Variants in CTPS2 observed in about 807,000 individuals in gnomAD.
CTPS2 encodes CTP synthase II.
In CTPS2, 19 loss-of-function variants were observed where a neutral mutation model predicts 46.8. The ratio of observed to expected loss-of-function variants is 0.41; its 90% confidence interval spans 0.28 to 0.60. The LOEUF is 0.60. CTPS2 is among the 20% of genes least tolerant of loss of function. The probability of loss-of-function intolerance (pLI) is 0.35; values close to 1 mark genes in which losing one functional copy is unlikely to be tolerated. For synonymous variants in CTPS2, 151 were observed against 165.2 expected, an observed-to-expected ratio of 0.91 and a Z score of 0.66; for missense variants, 286 against 447.6, an observed-to-expected ratio of 0.64 and a Z score of 3.26.
rs780607072 is a variant in CTPS2 at position 16,663,235 on chromosome X, C to G, written c.1296+4279G>C. On this transcript the variant is annotated intron_variant, in intron 13 of 18. Transcript: ENST00000359276. Reference sequence around the variant, plus strand: ...TGATCACAGCTCACTGCAGCTCAACCCCTGGGGCTCAAGTGATCCTCCCCC... The same window carrying G: ...TGATCACAGCTCACTGCAGCTCAACGCCTGGGGCTCAAGTGATCCTCCCCC... Among the ~76,000 whole-genome samples the G allele has an allele frequency of 4.5e-5, 5 of 111,589 alleles. No individual in the cohort carries two copies. In the East Asian group the frequency reaches 1.4e-3, roughly 31 times the overall value.
chrX:16,672,635 A>G (rs996445371), intron 10 of CTPS2, among the ~76,000 whole-genome samples: 12 of 110,979 alleles, frequency 1.1e-4, no homozygotes, highest in Admixed American at 1.9e-4. Context: ...CCAGAACAGG[A>G]AAAGATAATT....
intron 6 of CTPS2, among the ~76,000 whole-genome samples, chrX:16,692,668 G>C (rs1297482505): frequency 9.0e-6 from 1 of 111,400 alleles, no homozygotes; most frequent in African/African-American, 3.3e-5. Flanking sequence ...TTGAGGCTAA[G>C]GGAATAAGCC....
chrX:16,679,419 T>G (rs775319148), intron 9 of CTPS2, among the ~76,000 whole-genome samples: 31 of 109,834 alleles, frequency 2.8e-4, no homozygotes, highest in Non-Finnish European at 5.5e-4. Flanking sequence ...GAACCACTTA[T>G]ATGAAACCTC....
intron 10 of CTPS2, among the ~76,000 whole-genome samples, chrX:16,672,508 G>C (rs928607452): frequency 8.9e-6 from 1 of 111,854 alleles, no homozygotes; most frequent in Non-Finnish European, 1.9e-5. Context: ...CCTGGTCAGA[G>C]GTTGGATTAA....
In CTPS2 at chrX:16,698,341, A is replaced by G. The variant is rs752470411; in HGVS notation, c.338-5T>C. 4 of 1,140,948 alleles carry G rather than the reference A, an allele frequency of 3.5e-6. No homozygotes were observed. The East Asian group carries it at 1.2e-4, about 34-fold the overall frequency. The allele number at this position is 1,140,948 out of a possible 1,213,427, so 94.0% of individuals were successfully genotyped here. A position where few individuals can be genotyped will look rare whatever the true frequency, so the allele number is the denominator to read the frequency against. ...CATCAGTAATGTGAGGGACAACTGT[A>G]GAAAGAAGTATTAATACAAAAGTTT... On this transcript the variant is annotated splice_region_variant and splice_polypyrimidine_tract_variant and intron_variant, in intron 3 of 18. Coordinates refer to ENST00000359276, the MANE Select transcript of CTPS2 (RefSeq NM_175859.3).
intron 13 of CTPS2, chrX:16,654,267 A>G: frequency 2.4e-6 from 1 of 411,959 alleles, no homozygotes; most frequent in South Asian, 5.9e-5. Flanking sequence ...TCTGTTAGCT[A>G]TTAGATGCAT....
chrX:16,699,916 C>CT (rs760023565), intron 2 of CTPS2, among the ~76,000 whole-genome samples: 3 of 75,095 alleles, frequency 4.0e-5, no homozygotes, highest in African/African-American at 2.4e-4. Flanking sequence ...TATCACAATA[C>CT]TTTTTTTTTC....
intron 14 of CTPS2, among the ~76,000 whole-genome samples, chrX:16,620,559 T>G (rs768109293): frequency 2.7e-5 from 3 of 112,349 alleles, no homozygotes; most frequent in Non-Finnish European, 5.6e-5. Flanking sequence ...CACCATTGCA[T>G]AAAAGGAAGC....
At chrX:16,704,858 G>T (rs1924870501) in intron 1 of CTPS2, among the ~76,000 whole-genome samples, 1 of 108,157 alleles carries the variant, frequency 9.2e-6, no homozygotes, top group Non-Finnish European at 1.9e-5. Context: ...GAGGAAGAGA[G>T]AATCGCTTGA....
At chrX:16,651,021 G>C in intron 13 of CTPS2, 1 of 1,206,054 alleles carries the variant, frequency 8.3e-7, no homozygotes, top group Non-Finnish European at 1.1e-6. Flanking sequence ...GTACTAAAAA[G>C]TCTCCTGAGG....
chrX:16,710,495 C>T (rs761881396), intron 1 of CTPS2, among the ~76,000 whole-genome samples: 1 of 112,602 alleles, frequency 8.9e-6, no homozygotes, highest in Non-Finnish European at 1.9e-5. Context: ...CCTACATAAG[C>T]AATTGCTCAT....
intron 17 of CTPS2, among the ~76,000 whole-genome samples, chrX:16,600,831 T>C (rs1215660259): frequency 8.9e-6 from 1 of 112,357 alleles, no homozygotes; most frequent in African/African-American, 3.2e-5. Flanking sequence ...ATAGAATCTT[T>C]TGTTAATTTC....
chrX:16,647,255 C>CTTTTTTTTTTGTTTT (rs1932365917), intron 13 of CTPS2, among the ~76,000 whole-genome samples: 1 of 39,767 alleles, frequency 2.5e-5, no homozygotes, highest in African/African-American at 1.0e-4. Flanking sequence ...TGGGCCCATT[C>CTTTTTTTTTTGTTTT]TTTTTTTTTT....
chrX:16,594,126 G>A (rs907357083), intron 17 of CTPS2, among the ~76,000 whole-genome samples: 2 of 111,501 alleles, frequency 1.8e-5, no homozygotes, highest in East Asian at 2.8e-4. Flanking sequence ...ATACTAGCTC[G>A]GGGCACAGGG....
intron 13 of CTPS2, chrX:16,654,402 C>T (rs371033506): frequency 6.1e-6 from 7 of 1,143,174 alleles, no homozygotes; most frequent in Non-Finnish European, 8.2e-6. Flanking sequence ...TTATGTAAAA[C>T]AGGGTCCAAA....
intron 13 of CTPS2, among the ~76,000 whole-genome samples, chrX:16,646,141 C>A (rs5980308): frequency 0.04 from 4,483 of 111,745 alleles, 220 homozygotes; most frequent in African/African-American, 0.14. Context: ...AGATGTAAAC[C>A]TAACACTTAA....
intron 13 of CTPS2, among the ~76,000 whole-genome samples, chrX:16,647,732 C>A (rs186047597): frequency 2.1e-4 from 23 of 111,227 alleles, no homozygotes; most frequent in Non-Finnish European, 1.9e-5. Flanking sequence ...AACATGTTAT[C>A]TTTCATCCTA....
At chrX:16,619,108 A>G (rs1057358624) in intron 15 of CTPS2, among the ~76,000 whole-genome samples, 2 of 112,518 alleles carry the variant, frequency 1.8e-5, no homozygotes, top group Non-Finnish European at 3.7e-5. Flanking sequence ...AAGACCAAAA[A>G]TGTCCTACAT....
chrX:16,672,383 CT>C (rs2147309631), intron 10 of CTPS2, among the ~76,000 whole-genome samples: 1 of 111,538 alleles, frequency 9.0e-6, no homozygotes, highest in South Asian at 3.8e-4. Flanking sequence ...CCTCCCTGAG[CT>C]CTTTGCCTTC....
Sources: allele counts gnomAD v4.1 joint callset (sites outside exome capture counted in the v4.1 genomes callset), GRCh38; gene constraint gnomAD v4.1.1; transcripts MANE v1.5; gene names NCBI Gene and HGNC (gene_info 2026-07-23, HGNC 2026-07-21).